FGF13: variants seen among roughly 807,000 people sequenced by gnomAD.
The protein encoded by FGF13 is fibroblast growth factor homologous factor 2.
In FGF13, 2 loss-of-function variants were observed where a neutral mutation model predicts 19.5. That is an observed-to-expected ratio of 0.10 (90% confidence interval 0.04 to 0.32). The LOEUF (loss-of-function observed/expected upper bound fraction) is 0.32. Among genes scored for constraint, FGF13 ranks in the 10% least tolerant of loss-of-function variants. FGF13 has a pLI of 1.00. For missense variants in FGF13, 113 were observed against 192.7 expected (o/e 0.59, Z 2.45); for synonymous variants, 72 against 76.9 (o/e 0.94, Z 0.33).
rs781048128 is a variant in FGF13 at position 139,061,611 on chromosome X, T to C, written c.-113+141805A>G. Among the ~76,000 whole-genome samples the C allele has an allele frequency of 3.6e-5, 4 of 111,517 alleles. No individual in the cohort carries two copies. In the Admixed American group the frequency reaches 3.8e-4, roughly 11 times the overall value. On this transcript the variant is annotated intron_variant, in intron 1 of 2. Transcript: ENST00000421460. ...CAGAATTGCAATAAATAAACTTATT[T>C]TTTTTTAAAATAAATTACTGAGTCT...
At chrX:139,128,152 C>T (rs888808486) in intron 1 of FGF13, among the ~76,000 whole-genome samples, 2 of 110,471 alleles carry the variant, frequency 1.8e-5, no homozygotes, top group Non-Finnish European at 3.8e-5. Context: ...CTGCCCTGGT[C>T]CTGGACTCTA....
At chrX:138,638,788 T>A (rs189522292) in intron 3 of FGF13, among the ~76,000 whole-genome samples, 18 of 112,084 alleles carry the variant, frequency 1.6e-4, no homozygotes, top group Non-Finnish European at 2.4e-4. Context: ...TGTCACTGCA[T>A]GGACAGATTC....
chrX:138,708,831 C>T lies in FGF13; in HGVS notation c.285G>A (p.Glu95=), dbSNP rs1201917774. 3.3e-6 allele frequency: 4 copies of T among 1,200,722 alleles called. No individual in the cohort carries two copies. Among genetic ancestry groups the T allele is most frequent in the South Asian group, 1.8e-5 (1 of 56,499 alleles). ...GCAGTCACTTACTGTAAGTGCTGTC[C>T]TCATCTTTGGTGCCATCAATGGTTC... ...ADGTIDGTKD[E]DSTYTLFNLI... The change falls in exon 2 of 5, where the codon GAG becomes GAA. Residue 95 remains glutamate, a synonymous_variant. Coordinates refer to ENST00000315930, the MANE Select transcript of FGF13 (RefSeq NM_004114.5).
chrX:139,064,537 T>C (rs956285608), intron 1 of FGF13, among the ~76,000 whole-genome samples: 1 of 110,218 alleles, frequency 9.1e-6, no homozygotes, highest in African/African-American at 3.3e-5. Flanking sequence ...CTCCTGACCA[T>C]AGAGCAGAGT....
At chrX:139,134,468 C>G (rs2083784208) in intron 1 of FGF13, among the ~76,000 whole-genome samples, 1 of 111,165 alleles carries the variant, frequency 9.0e-6, no homozygotes, top group Non-Finnish European at 1.9e-5. Context: ...GTTACCTCCC[C>G]TTAAGCCTAG....
intron 1 of FGF13, among the ~76,000 whole-genome samples, chrX:139,073,061 C>A (rs1405390187): frequency 9.0e-6 from 1 of 110,646 alleles, no homozygotes. Context: ...CATTTCTAAT[C>A]CTTCCTTTAT....
intron 3 of FGF13, among the ~76,000 whole-genome samples, chrX:138,636,702 T>G (rs184400072): frequency 8.9e-6 from 1 of 111,938 alleles, no homozygotes; most frequent in East Asian, 2.8e-4. Flanking sequence ...AACTATCAGA[T>G]TTTTGCTAAT....
intron 3 of FGF13, among the ~76,000 whole-genome samples, chrX:138,848,521 TTATTTCTTCTCAAGAAA>T (rs749741818): frequency 1.8e-4 from 20 of 112,157 alleles, no homozygotes; most frequent in African/African-American, 3.2e-4. Context: ...TTTTACTTAA[TTATTTCTTCTCAAGAAA>T]TATTTCTTCT....
chrX:138,708,489 C>T (rs1004908817), intron 2 of FGF13, among the ~76,000 whole-genome samples: 1 of 111,823 alleles, frequency 8.9e-6, no homozygotes, highest in African/African-American at 3.3e-5. Context: ...AGATAACATG[C>T]TATTTCTGGA....
At chrX:138,984,564 A>G (rs866247534) in intron 1 of FGF13, among the ~76,000 whole-genome samples, 1 of 48,921 alleles carries the variant, frequency 2.0e-5, no homozygotes, top group African/African-American at 7.5e-5. Context: ...GAAGAAGAAG[A>G]AGAAGAAGAA....
chrX:139,145,107 G>T (rs2083877288), intron 1 of FGF13, among the ~76,000 whole-genome samples: 1 of 111,790 alleles, frequency 8.9e-6, no homozygotes. Flanking sequence ...AGGACAGCTG[G>T]ATTCTTATGT....
At chrX:139,186,707 C>T (rs2084285977) in intron 1 of FGF13, among the ~76,000 whole-genome samples, 1 of 111,755 alleles carries the variant, frequency 8.9e-6, no homozygotes, top group South Asian at 3.8e-4. Context: ...ACAGTTATGC[C>T]CTTTTACATT....
chrX:139,089,565 C>A (rs987568193), intron 1 of FGF13, among the ~76,000 whole-genome samples: 8 of 111,146 alleles, frequency 7.2e-5, no homozygotes, highest in Admixed American at 1.9e-4. Flanking sequence ...AGACAGAAGA[C>A]CTGGACTCAA....
At chrX:139,118,504 A>G (rs2083655451) in intron 1 of FGF13, among the ~76,000 whole-genome samples, 1 of 111,918 alleles carries the variant, frequency 8.9e-6, no homozygotes, top group African/African-American at 3.2e-5. Flanking sequence ...GATCCATCGT[A>G]GTTTTATAGC....
At chrX:138,884,787 C>G (rs1284983295) in intron 1 of FGF13, among the ~76,000 whole-genome samples, 4 of 111,792 alleles carry the variant, frequency 3.6e-5, no homozygotes. Flanking sequence ...TTTCAAATAA[C>G]TAAAAGGAGG....
At chrX:139,017,271 G>T (rs1273928588) in intron 1 of FGF13, among the ~76,000 whole-genome samples, 3 of 106,175 alleles carry the variant, frequency 2.8e-5, no homozygotes, top group African/African-American at 1.0e-4. Context: ...TATGTTGTTG[G>T]GAGTAATTCT....
At chrX:138,807,106 G>C (rs2090874394) in intron 3 of FGF13, 1 of 110,832 alleles carries the variant, frequency 9.0e-6, no homozygotes, top group African/African-American at 3.3e-5. Flanking sequence ...CCTTGAACCA[G>C]ACCCTACTCT....
intron 3 of FGF13, among the ~76,000 whole-genome samples, chrX:138,824,603 G>A (rs1192306339): frequency 1.8e-5 from 2 of 111,694 alleles, no homozygotes; most frequent in Non-Finnish European, 3.8e-5. Context: ...ACAGTAATAT[G>A]TTAGTCTTAA....
At chrX:138,850,069 T>C (rs1022442122) in intron 3 of FGF13, among the ~76,000 whole-genome samples, 2 of 111,171 alleles carry the variant, frequency 1.8e-5, no homozygotes, top group African/African-American at 3.3e-5. Context: ...ACCACCATGA[T>C]TGGAACACAT....
Sources: allele counts gnomAD v4.1 joint callset (sites outside exome capture counted in the v4.1 genomes callset), GRCh38; gene constraint gnomAD v4.1.1; transcripts MANE v1.5; gene names NCBI Gene and HGNC (gene_info 2026-07-23, HGNC 2026-07-21).